PHYHIP: variants seen among roughly 807,000 people sequenced by gnomAD.
PHYHIP encodes phytanoyl-CoA 2-hydroxylase interacting protein.
PHYHIP carries 7 observed loss-of-function variants against 26.1 expected under a neutral mutation model. That is an observed-to-expected ratio of 0.27 (90% CI 0.15 to 0.50). PHYHIP has a LOEUF of 0.50. Among genes scored for constraint, PHYHIP ranks in the 20% least tolerant of loss-of-function variants. PHYHIP has a pLI of 0.98. For synonymous variants in PHYHIP, 206 were observed against 183.4 expected, an observed-to-expected ratio of 1.12 and a Z score of -1.00; for missense variants, 232 against 454.7, an observed-to-expected ratio of 0.51 and a Z score of 4.45.
intron 4 of PHYHIP, among the ~76,000 whole-genome samples, chr8:22,222,507 C>T (rs574309479): frequency 6.6e-6 from 1 of 152,318 alleles, no homozygotes; most frequent in African/African-American, 2.4e-5. Flanking sequence ...CTCAAGTGAT[C>T]CTCCTGCTTC....
rs777340593 is a variant in PHYHIP, at chr8:22,224,288, G to T, written c.396C>A (p.Gly132=). 6.8e-6 allele frequency: 11 copies of T among 1,612,842 alleles called. No individual in the cohort carries two copies. Among genetic ancestry groups the T allele is most frequent in the Non-Finnish European group, 1.7e-6 (2 of 1,179,190 alleles). Residue 132 remains glycine, a synonymous_variant, in exon 4 of 5, where the codon GGC becomes GGA. Transcript: ENST00000454243. ...AGAAGACGGAGAAGCGGAGCATGCG[G>T]CCTGCGATCTGCTCAGCTTTCTCCT... ...QLQEKAEQIA[G]RMLRFSVFYR...
chr8:22,222,455 A>G (rs569563492), intron 4 of PHYHIP, among the ~76,000 whole-genome samples: 4 of 152,028 alleles, frequency 2.6e-5, no homozygotes, highest in African/African-American at 9.7e-5. Flanking sequence ...AGGACACCCA[A>G]TCTTCTCACT....
At chr8:22,230,646 G>A (rs575818225) in intron 1 of PHYHIP, among the ~76,000 whole-genome samples, 5 of 151,484 alleles carry the variant, frequency 3.3e-5, no homozygotes, top group South Asian at 2.1e-4. Flanking sequence ...AGGCAGGCAC[G>A]CACGCGCATA....
chr8:22,226,120 A>G (rs1449335617), intron 3 of PHYHIP, among the ~76,000 whole-genome samples: 2 of 152,202 alleles, frequency 1.3e-5, no homozygotes, highest in Admixed American at 1.3e-4. Context: ...TTGCGGGGCC[A>G]TTGACCAGGG....
At chr8:22,228,682 G>A (rs1829804386) in intron 1 of PHYHIP, 2 of 213,536 alleles carry the variant, frequency 9.4e-6, no homozygotes, top group African/African-American at 4.6e-5. Context: ...CAGATTTGCA[G>A]CAGATGGAGC....
At chr8:22,226,765 G>T in intron 3 of PHYHIP, 86 bp downstream of exon 3, 3 of 1,287,912 alleles carry the variant, frequency 2.3e-6, no homozygotes, top group Non-Finnish European at 2.2e-6. Context: ...ATCAGTGTTT[G>T]CTGGACTACG....
chr8:22,223,931 C>T, intron 4 of PHYHIP: 1 of 317,162 alleles, frequency 3.2e-6, no homozygotes, highest in Non-Finnish European at 5.8e-6. Context: ...GTGGTAGACC[C>T]CTGTGAAAGG....
intron 4 of PHYHIP, 181 bp downstream of exon 4, chr8:22,224,045 G>C (rs896821721): frequency 1.2e-5 from 7 of 592,122 alleles, no homozygotes; most frequent in Non-Finnish European, 1.8e-5. Context: ...TCTTCCCTGA[G>C]CCCAATCCCC....
chr8:22,226,395 C>T (rs1034240276), intron 3 of PHYHIP, among the ~76,000 whole-genome samples: 2 of 151,878 alleles, frequency 1.3e-5, no homozygotes, highest in South Asian at 2.1e-4. Context: ...AAATGGGGGG[C>T]GGTTATTTAA....
intron 1 of PHYHIP, among the ~76,000 whole-genome samples, chr8:22,229,680 C>T (rs1450018185): frequency 1.3e-5 from 2 of 152,188 alleles, no homozygotes; most frequent in African/African-American, 2.4e-5. Flanking sequence ...GTTCCTGGCA[C>T]CCCTCATTTT....
chr8:22,230,508 C>T (rs893030034), intron 1 of PHYHIP, among the ~76,000 whole-genome samples: 3 of 152,034 alleles, frequency 2.0e-5, no homozygotes, highest in African/African-American at 7.3e-5. Context: ...TGGGTGTGAA[C>T]CCAAGTTCTC....
intron 3 of PHYHIP, among the ~76,000 whole-genome samples, chr8:22,225,138 C>A (rs1321105278): frequency 6.6e-6 from 1 of 152,144 alleles, no homozygotes; most frequent in East Asian, 1.9e-4. Context: ...AACCAAGAAG[C>A]TTTCCCCACC....
intron 1 of PHYHIP, among the ~76,000 whole-genome samples, chr8:22,230,434 T>G (rs1362298798): frequency 6.6e-6 from 1 of 151,996 alleles, no homozygotes; most frequent in Admixed American, 6.5e-5. Context: ...CTGGGAAAGC[T>G]GAGATGACAT....
intron 2 of PHYHIP, chr8:22,227,562 T>TC: frequency 2.2e-6 from 1 of 452,922 alleles, no homozygotes. Flanking sequence ...GCCGCCTCAC[T>TC]CCCCCTGCCT....
chr8:22,226,813 C>A, intron 3 of PHYHIP, 38 bp downstream of exon 3: 2 of 1,573,624 alleles, frequency 1.3e-6, no homozygotes, highest in Non-Finnish European at 1.7e-6. Flanking sequence ...GCCCGACGTG[C>A]CAAGCAGCAG....
chr8:22,228,256 G>A lies in PHYHIP; in HGVS notation c.102C>T (p.Val34=), dbSNP rs1375615452. The A allele has an allele frequency of 1.2e-6, 2 of 1,613,416 alleles. No homozygotes were observed. The highest frequency in any genetic ancestry group is 1.7e-6 in the Non-Finnish European group (2 of 1,179,674). ...WAMEDSDLER[V]THYFIDLNKK... ...TGTTAAGGTCAATGAAGTAATGGGT[G>A]ACCCTCTCCAGGTCACTGTCCTCCA... The change falls in exon 2 of 5, where the codon GTC becomes GTT. Residue 34 remains valine (V), a synonymous_variant. Transcript: ENST00000454243.
At position 22,221,101 on chromosome 8, in the gene PHYHIP, C is replaced by A; in HGVS notation, c.*252G>T. 1 of 468,462 alleles carries A rather than the reference C, an allele frequency of 2.1e-6. No homozygotes were observed. 29.0% of individuals were successfully genotyped at this position (468,462 alleles called of 1,614,324 possible). A position where few individuals can be genotyped will look rare whatever the true frequency, so the allele number is the denominator to read the frequency against. On this transcript the variant is annotated 3_prime_UTR_variant, in exon 5 of 5. Transcript: ENST00000454243. The surrounding 1 kb of genome is among the most constrained non-coding windows in gnomAD (Gnocchi z 7.9). ...AGGAAACCAGAGGAAAGGGGAAGTT[C>A]TCCAGAAGTCCAGCCCAGCTGCCAA...
chr8:22,227,273 A>G (rs981946708), intron 2 of PHYHIP, among the ~76,000 whole-genome samples: 2 of 152,214 alleles, frequency 1.3e-5, no homozygotes, highest in African/African-American at 2.4e-5. Flanking sequence ...GGGAAAAGCC[A>G]CAAAGTTGAG....
At chr8:22,227,799 CCT>C in intron 2 of PHYHIP, 1 of 447,110 alleles carries the variant, frequency 2.2e-6, no homozygotes, top group Non-Finnish European at 4.5e-6. Context: ...GAGGCTGTGC[CCT>C]GAGCCGGGGC....
Sources: allele counts gnomAD v4.1 joint callset (sites outside exome capture counted in the v4.1 genomes callset), GRCh38; gene constraint gnomAD v4.1.1; non-coding constraint Gnocchi (gnomAD v3.1); transcripts MANE v1.5; gene names NCBI Gene and HGNC (gene_info 2026-07-23, HGNC 2026-07-21).